The following KCNQ5 variants were observed in gnomAD, a reference collection of about 807,000 sequenced individuals.
KCNQ5 encodes potassium voltage-gated channel subfamily KQT member 5.
KCNQ5 carries 30 observed loss-of-function variants against 98.2 expected under a neutral mutation model. The observed-to-expected ratio is 0.31, with a 90% CI of 0.23 to 0.41. The LOEUF is 0.41. Ranked by LOEUF, KCNQ5 falls within the 10% of genes least tolerant of loss-of-function variation. KCNQ5 has a pLI of 1.00. For missense variants in KCNQ5, 835 were observed against 1,182.5 expected (o/e 0.71, Z 4.31); for synonymous variants, 458 against 449.4 (o/e 1.02, Z -0.24).
intron 2 of KCNQ5, among the ~76,000 whole-genome samples, chr6:73,006,585 G>A (rs192364180): frequency 5.5e-4 from 84 of 152,198 alleles, no homozygotes; most frequent in African/African-American, 1.8e-3. Flanking sequence ...CCCAGGAGGC[G>A]GAGGTTGCAG....
intron 1 of KCNQ5, among the ~76,000 whole-genome samples, chr6:72,639,150 G>T (rs1044129522): frequency 6.6e-6 from 1 of 152,118 alleles, no homozygotes; most frequent in Non-Finnish European, 1.5e-5. Context: ...AGAGTGTATG[G>T]AAAAAGATTT....
chr6:72,997,589 A>G (rs1302360985), intron 1 of KCNQ5, among the ~76,000 whole-genome samples: 1 of 150,670 alleles, frequency 6.6e-6, no homozygotes, highest in African/African-American at 2.4e-5. Flanking sequence ...TCCTGGCTAA[A>G]GTGGTGAAAC....
chr6:72,810,470 T>C (rs1199372661), intron 1 of KCNQ5, among the ~76,000 whole-genome samples: 1 of 152,208 alleles, frequency 6.6e-6, no homozygotes, highest in African/African-American at 2.4e-5. Context: ...GGATTTCTGC[T>C]ATCTGACCAG....
intron 1 of KCNQ5, among the ~76,000 whole-genome samples, chr6:72,893,696 G>A (rs989146364): frequency 7.2e-5 from 11 of 152,146 alleles, no homozygotes; most frequent in African/African-American, 2.4e-4. Context: ...TTGCTGCCCA[G>A]GCAGATATTA....
intron 5 of KCNQ5, among the ~76,000 whole-genome samples, chr6:73,097,105 A>G (rs934247817): frequency 7.1e-6 from 1 of 140,952 alleles, no homozygotes; most frequent in Non-Finnish European, 1.6e-5. Context: ...CACAATACAC[A>G]TTACTAACTG....
At chr6:72,735,918 T>G (rs768787450) in intron 1 of KCNQ5, among the ~76,000 whole-genome samples, 6 of 152,162 alleles carry the variant, frequency 3.9e-5, no homozygotes, top group Non-Finnish European at 8.8e-5. Flanking sequence ...TTTTATCTTT[T>G]TAAGCTAAAA....
At chr6:72,623,916 A>C (rs889335597) in intron 1 of KCNQ5, among the ~76,000 whole-genome samples, 42 of 152,208 alleles carry the variant, frequency 2.8e-4, no homozygotes, top group African/African-American at 9.9e-4. Flanking sequence ...ACATGGAAGA[A>C]GGGCTGGTTT....
intron 3 of KCNQ5, chr6:73,043,171 G>C (rs747431163): frequency 2.2e-6 from 1 of 447,460 alleles, no homozygotes; most frequent in South Asian, 1.7e-5. Context: ...ACCATCCATG[G>C]GCACTGTTAA....
intron 10 of KCNQ5, among the ~76,000 whole-genome samples, chr6:73,153,508 G>A (rs1206888413): frequency 6.6e-6 from 1 of 152,022 alleles, no homozygotes; most frequent in Admixed American, 6.5e-5. Context: ...TCCTTATTGT[G>A]GATGAAAGCC....
chr6:73,142,523 C>G (rs1321437442), intron 10 of KCNQ5, among the ~76,000 whole-genome samples: 1 of 151,800 alleles, frequency 6.6e-6, no homozygotes, highest in East Asian at 1.9e-4. Flanking sequence ...ATCCTGGCCT[C>G]AACCTATAGC....
intron 1 of KCNQ5, among the ~76,000 whole-genome samples, chr6:72,686,249 G>A (rs934190793): frequency 1.1e-4 from 16 of 152,132 alleles, no homozygotes; most frequent in Admixed American, 3.9e-4. Context: ...TTCACATAGG[G>A]TCCTACCCGT....
intron 1 of KCNQ5, among the ~76,000 whole-genome samples, chr6:72,817,901 GA>G (rs1200973360): frequency 1.3e-5 from 2 of 150,452 alleles, no homozygotes; most frequent in East Asian, 1.9e-4. Context: ...CTCAAAAAAA[GA>G]AAAAAAGAAA....
chr6:72,680,435 G>T (rs1767650403), intron 1 of KCNQ5, among the ~76,000 whole-genome samples: 1 of 152,214 alleles, frequency 6.6e-6, no homozygotes, highest in Non-Finnish European at 1.5e-5. Context: ...ATCAGTTAAT[G>T]TGTGTTTGGA....
At chr6:72,751,043 C>G (rs1407062204) in intron 1 of KCNQ5, among the ~76,000 whole-genome samples, 1 of 152,048 alleles carries the variant, frequency 6.6e-6, no homozygotes, top group East Asian at 1.9e-4. Flanking sequence ...TGGTTCCTAC[C>G]ATTAAGAAGC....
At chr6:73,149,771 T>G (rs1420772430) in intron 10 of KCNQ5, among the ~76,000 whole-genome samples, 2 of 127,630 alleles carry the variant, frequency 1.6e-5, no homozygotes, top group African/African-American at 6.3e-5. Flanking sequence ...TACTCCAGCA[T>G]GGGCGACAGT....
intron 5 of KCNQ5, among the ~76,000 whole-genome samples, chr6:73,097,156 T>TATATATATATATATATATAC: frequency 6.8e-6 from 1 of 147,354 alleles, no homozygotes; most frequent in Non-Finnish European, 1.5e-5. Context: ...TATATATATA[T>TATATATATATATATATATAC]ATACACACAC....
chr6:72,886,597 A>G (rs1778850535), intron 1 of KCNQ5, among the ~76,000 whole-genome samples: 2 of 152,200 alleles, frequency 1.3e-5, no homozygotes, highest in African/African-American at 2.4e-5. Flanking sequence ...AATTTATTCC[A>G]AAGTGGAGTA....
At chr6:72,789,033 ACTTT>A (rs1396251728) in intron 1 of KCNQ5, among the ~76,000 whole-genome samples, 1 of 152,160 alleles carries the variant, frequency 6.6e-6, no homozygotes, top group Non-Finnish European at 1.5e-5. Flanking sequence ...TCCAAACCAT[ACTTT>A]CTGATGGTGG....
intron 1 of KCNQ5, among the ~76,000 whole-genome samples, chr6:72,857,861 G>A (rs890651930): frequency 2.6e-5 from 4 of 152,200 alleles, no homozygotes; most frequent in African/African-American, 9.6e-5. Context: ...AAGAATAAAA[G>A]TATGTTCACT....
Sources: allele counts gnomAD v4.1 joint callset (sites outside exome capture counted in the v4.1 genomes callset), GRCh38; gene constraint gnomAD v4.1.1; transcripts MANE v1.5; gene names NCBI Gene and HGNC (gene_info 2026-07-23, HGNC 2026-07-21).